Variants in OXR1 observed in about 807,000 individuals in gnomAD.
OXR1 encodes the protein oxidation resistance 1.
OXR1 carries 41 observed loss-of-function variants against 104.6 expected under a neutral mutation model. The ratio of observed to expected loss-of-function variants is 0.39; its 90% CI spans 0.31 to 0.51. The LOEUF (loss-of-function observed/expected upper bound fraction) is 0.51. Among genes scored for constraint, OXR1 ranks in the 20% least tolerant of loss-of-function variants. The pLI, the probability that OXR1 is intolerant of heterozygous loss-of-function variation, is 0.77. For missense variants in OXR1, 955 were observed against 1,031.9 expected (o/e 0.93, Z 1.02); for synonymous variants, 348 against 348.4 (o/e 1.00, Z 0.01).
chr8:106,470,705 G>T (rs921064694), intron 2 of OXR1, among the ~76,000 whole-genome samples: 3 of 151,550 alleles, frequency 2.0e-5, no homozygotes, highest in African/African-American at 7.3e-5. Context: ...GCCAAAGATT[G>T]CTCTGGGGCA....
intron 1 of OXR1, among the ~76,000 whole-genome samples, chr8:106,283,375 G>A (rs935682113): frequency 1.3e-5 from 2 of 152,158 alleles, no homozygotes; most frequent in Admixed American, 6.5e-5. Flanking sequence ...AGGCAGCTCT[G>A]AATCTGTTGG....
At chr8:106,392,507 T>C (rs1413200108) in intron 2 of OXR1, among the ~76,000 whole-genome samples, 1 of 152,126 alleles carries the variant, frequency 6.6e-6, no homozygotes, top group Non-Finnish European at 1.5e-5. Flanking sequence ...CATGAGGGAA[T>C]ATTATATTGA....
At chr8:106,416,093 A>G (rs2000866) in intron 2 of OXR1, among the ~76,000 whole-genome samples, 17,759 of 151,988 alleles carry the variant, frequency 0.12, 1,496 homozygotes, top group East Asian at 0.42. Context: ...GTGTAGGTAA[A>G]CTTGAGGTTA....
intron 7 of OXR1, among the ~76,000 whole-genome samples, chr8:106,695,913 C>G (rs901367849): frequency 6.6e-6 from 1 of 152,064 alleles, no homozygotes; most frequent in Non-Finnish European, 1.5e-5. Flanking sequence ...CCCCTTTCCC[C>G]AGTTTCCCTT....
intron 1 of OXR1, among the ~76,000 whole-genome samples, chr8:106,354,663 T>C (rs1376029775): frequency 6.6e-6 from 1 of 151,976 alleles, no homozygotes; most frequent in Non-Finnish European, 1.5e-5. Flanking sequence ...TTTATAGATT[T>C]ACTGTTTTAA....
At chr8:106,302,520 A>C (rs979834032) in intron 1 of OXR1, among the ~76,000 whole-genome samples, 3 of 149,736 alleles carry the variant, frequency 2.0e-5, no homozygotes, top group African/African-American at 7.4e-5. Context: ...CGGGAGGCGG[A>C]GCTTGCAGTG....
At chr8:106,352,988 G>T (rs1254745597) in intron 1 of OXR1, among the ~76,000 whole-genome samples, 1 of 152,164 alleles carries the variant, frequency 6.6e-6, no homozygotes, top group African/African-American at 2.4e-5. Context: ...TCTAGAGAAA[G>T]TTTACCTTAA....
chr8:106,391,330 C>T (rs1817579895), intron 2 of OXR1, among the ~76,000 whole-genome samples: 1 of 152,050 alleles, frequency 6.6e-6, no homozygotes, highest in South Asian at 2.1e-4. Flanking sequence ...GGGTTAATAT[C>T]CAATGTGAAA....
intron 3 of OXR1, among the ~76,000 whole-genome samples, chr8:106,562,626 C>A (rs184146618): frequency 2.9e-4 from 44 of 152,160 alleles, no homozygotes; most frequent in African/African-American, 1.1e-3. Context: ...GAGAACACCA[C>A]AAAGACACTC....
chr8:106,541,982 A>T (rs1563592564), intron 3 of OXR1, among the ~76,000 whole-genome samples: 1 of 152,198 alleles, frequency 6.6e-6, no homozygotes, highest in Non-Finnish European at 1.5e-5. Flanking sequence ...TAGCAAATGG[A>T]CAAAATTAAG....
chr8:106,559,781 C>A (rs564236379), intron 3 of OXR1, among the ~76,000 whole-genome samples: 45 of 152,142 alleles, frequency 3.0e-4, no homozygotes, highest in African/African-American at 1.0e-3. Flanking sequence ...ATTTATGGGG[C>A]GGAACCTCAT....
intron 3 of OXR1, among the ~76,000 whole-genome samples, chr8:106,551,827 C>CATATAT (rs56997959): frequency 7.8e-5 from 11 of 141,722 alleles, no homozygotes; most frequent in African/African-American, 2.4e-4. Context: ...CACACACACA[C>CATATAT]ATATATATAT....
At chr8:106,606,581 G>A (rs1457109898) in intron 3 of OXR1, among the ~76,000 whole-genome samples, 1 of 151,520 alleles carries the variant, frequency 6.6e-6, no homozygotes, top group Non-Finnish European at 1.5e-5. Context: ...CAAAGTGCTA[G>A]GATTATAGGC....
intron 3 of OXR1, among the ~76,000 whole-genome samples, chr8:106,613,966 G>A (rs994549689): frequency 3.9e-5 from 6 of 152,064 alleles, no homozygotes; most frequent in Non-Finnish European, 8.8e-5. Context: ...CACTTCTCGG[G>A]GTGAAAGTGT....
intron 2 of OXR1, among the ~76,000 whole-genome samples, chr8:106,477,196 G>A (rs1283312448): frequency 6.6e-6 from 1 of 151,698 alleles, no homozygotes; most frequent in African/African-American, 2.4e-5. Flanking sequence ...CACAGTTTAC[G>A]GTATTGTACC....
At chr8:106,432,048 T>A (rs1253103068) in intron 2 of OXR1, among the ~76,000 whole-genome samples, 1 of 152,228 alleles carries the variant, frequency 6.6e-6, no homozygotes, top group Non-Finnish European at 1.5e-5. Flanking sequence ...TTACTACATA[T>A]AATTTTATCT....
chr8:106,698,041 G>A, intron 7 of OXR1: 3 of 1,534,956 alleles, frequency 2.0e-6, no homozygotes, highest in Non-Finnish European at 2.7e-6. Flanking sequence ...GCTGCGGGGA[G>A]CGTTCAAACG....
chr8:106,467,376 T>C (rs1821229182), intron 2 of OXR1, among the ~76,000 whole-genome samples: 1 of 151,852 alleles, frequency 6.6e-6, no homozygotes, highest in South Asian at 2.1e-4. Flanking sequence ...GTAGTGGGAT[T>C]CATCGGGTCT....
chr8:106,635,196 G>C (rs1823026805), intron 3 of OXR1, among the ~76,000 whole-genome samples: 1 of 152,172 alleles, frequency 6.6e-6, no homozygotes, highest in Non-Finnish European at 1.5e-5. Context: ...GGATATGAAT[G>C]AATGTCCAAA....
Sources: allele counts gnomAD v4.1 joint callset (sites outside exome capture counted in the v4.1 genomes callset), GRCh38; gene constraint gnomAD v4.1.1; transcripts MANE v1.5; gene names NCBI Gene and HGNC (gene_info 2026-07-23, HGNC 2026-07-21).